The following PLAC1 variants were observed in gnomAD, a reference collection of about 807,000 sequenced individuals.
PLAC1 encodes placenta associated 1, also known as placenta-specific protein 1.
For missense variants in PLAC1, 136 were observed against 163.2 expected, an observed-to-expected ratio of 0.83 and a Z score of 0.91; for synonymous variants, 68 against 62.1, an observed-to-expected ratio of 1.09 and a Z score of -0.44.
At chrX:134,723,966 G>A (rs758586175) in intron 2 of PLAC1, among the ~76,000 whole-genome samples, 3 of 100,041 alleles carry the variant, frequency 3.0e-5, no homozygotes, top group Admixed American at 1.1e-4. Context: ...CTCAAAAAAC[G>A]TGTAACCTCA....
chrX:134,619,391 G>A (rs2078200034), intron 1 of PLAC1, among the ~76,000 whole-genome samples: 1 of 111,905 alleles, frequency 8.9e-6, no homozygotes, highest in African/African-American at 3.2e-5. Context: ...GGTGGCTCAT[G>A]CCTGTAATCC....
At chrX:134,704,269 G>A (rs1262805880) in intron 2 of PLAC1, among the ~76,000 whole-genome samples, 13 of 108,172 alleles carry the variant, frequency 1.2e-4, no homozygotes, top group African/African-American at 4.4e-4. Flanking sequence ...TGAGGTCGGC[G>A]GATCACTTGA....
Position 134,743,698 on chromosome X carries a change from C to T in PLAC1, n.90-10179G>A, listed in dbSNP as rs944741672. Among the ~76,000 whole-genome samples the T allele has an allele frequency of 3.6e-5, 4 of 111,298 alleles. No individual in the cohort carries two copies. In the East Asian group the frequency reaches 1.1e-3, roughly 31 times the overall value. ...AGCCTCCTGGGATGTAGGGACAAGGCCAGCCAATGTCACTCTCCGAAACAA... is the reference window on the plus strand; with the variant it reads ...AGCCTCCTGGGATGTAGGGACAAGGTCAGCCAATGTCACTCTCCGAAACAA... On this transcript the variant is annotated intron_variant and non_coding_transcript_variant, in intron 1 of 2. Coordinates refer to the PLAC1 transcript ENST00000466797.
intron 2 of PLAC1, among the ~76,000 whole-genome samples, chrX:134,711,334 A>C (rs2078627529): frequency 1.8e-5 from 2 of 112,654 alleles, no homozygotes; most frequent in Non-Finnish European, 3.7e-5. Flanking sequence ...ATTTATAGAA[A>C]CACAGACACT....
intron 2 of PLAC1, among the ~76,000 whole-genome samples, chrX:134,676,328 C>T (rs1412659167): frequency 4.5e-5 from 5 of 110,972 alleles, no homozygotes; most frequent in African/African-American, 1.3e-4. Flanking sequence ...TTTTTGTGAC[C>T]GGAGCAGATA....
intron 2 of PLAC1, among the ~76,000 whole-genome samples, chrX:134,684,427 A>C (rs1310540681): frequency 1.8e-5 from 2 of 108,782 alleles, no homozygotes; most frequent in Non-Finnish European, 3.8e-5. Flanking sequence ...AAAAAAAAAA[A>C]AAAAAACACT....
intron 2 of PLAC1, among the ~76,000 whole-genome samples, chrX:134,703,674 G>T (rs1454733314): frequency 9.1e-6 from 1 of 110,301 alleles, no homozygotes; most frequent in East Asian, 2.9e-4. Flanking sequence ...TTTCTTTTGA[G>T]ATGATGATGT....
At chrX:134,637,087 T>C (rs1353677067) in intron 1 of PLAC1, among the ~76,000 whole-genome samples, 2 of 112,508 alleles carry the variant, frequency 1.8e-5, no homozygotes, top group Non-Finnish European at 3.8e-5. Flanking sequence ...AACTGTAGCA[T>C]AGGCAACAAG....
At chrX:134,699,733 C>T (rs1393721527) in intron 2 of PLAC1, among the ~76,000 whole-genome samples, 5 of 112,155 alleles carry the variant, frequency 4.5e-5, no homozygotes, top group Non-Finnish European at 9.4e-5. Context: ...GAGTCCTGAC[C>T]CTACACATTA....
chrX:134,566,539 C>G lies in PLAC1; in HGVS notation c.144G>C (p.Val48=). Residue 48 remains valine (V), a synonymous_variant, in exon 3 of 3, where the codon GTG becomes GTC. Transcript: ENST00000359237. ...TVHPFMLNND[V]CVHFHELHLG... is the part of the protein sequence containing the mutation. ...AGTGTAGTTCATGAAAGTGTACACA[C>G]ACATCGTTGTTTAGCATGAAGGGGT... is the stretch of plus-strand genomic sequence containing the variant. 1 of 1,210,492 alleles carries G rather than the reference C, an allele frequency of 8.3e-7. No homozygotes were observed.
At chrX:134,671,597 G>A (rs1602895724) in intron 2 of PLAC1, among the ~76,000 whole-genome samples, 1 of 107,245 alleles carries the variant, frequency 9.3e-6, no homozygotes, top group Admixed American at 9.9e-5. Context: ...ACAGGAGAGA[G>A]AGAGAGAGAG....
intron 1 of PLAC1, among the ~76,000 whole-genome samples, chrX:134,737,144 C>T (rs2078705160): frequency 8.9e-6 from 1 of 112,637 alleles, no homozygotes; most frequent in Admixed American, 9.3e-5. Context: ...TGCTGCGCAG[C>T]CCTCTGGCAT....
upstream of PLAC1, among the ~76,000 whole-genome samples, chrX:134,659,591 A>G (rs1446334096): frequency 4.5e-5 from 5 of 111,972 alleles, no homozygotes; most frequent in Admixed American, 4.8e-4. Context: ...GAGAGTAGGC[A>G]GTCACATAAC....
chrX:134,756,289 C>T (rs1411458334), intron 1 of PLAC1, among the ~76,000 whole-genome samples: 1 of 109,970 alleles, frequency 9.1e-6, no homozygotes, highest in East Asian at 2.8e-4. Flanking sequence ...AGGCTTTCCC[C>T]ACACCCAGAT....
intron 2 of PLAC1, among the ~76,000 whole-genome samples, chrX:134,598,563 C>A (rs1360356558): frequency 1.8e-5 from 2 of 112,275 alleles, no homozygotes; most frequent in African/African-American, 3.2e-5. Context: ...CCCTGAATGA[C>A]AAGTGCTAAA....
intron 1 of PLAC1, among the ~76,000 whole-genome samples, chrX:134,651,728 T>A (rs1176282042): frequency 1.0e-5 from 1 of 97,608 alleles, no homozygotes; most frequent in Non-Finnish European, 2.1e-5. Context: ...CCTCACCTTT[T>A]TCCCCCCTTT....
intron 2 of PLAC1, among the ~76,000 whole-genome samples, chrX:134,698,402 G>A (rs1161794892): frequency 8.9e-6 from 1 of 111,800 alleles, no homozygotes; most frequent in Non-Finnish European, 1.9e-5. Flanking sequence ...GCAGTGAGCC[G>A]AGATAGTGCC....
At chrX:134,665,869 G>T (rs1255825124) in intron 2 of PLAC1, among the ~76,000 whole-genome samples, 2 of 111,162 alleles carry the variant, frequency 1.8e-5, no homozygotes, top group Non-Finnish European at 3.8e-5. Flanking sequence ...AGTCTTCTGG[G>T]TGGTGGAAAT....
intron 2 of PLAC1, among the ~76,000 whole-genome samples, chrX:134,572,133 A>C (rs189353759): frequency 9.0e-6 from 1 of 111,631 alleles, no homozygotes; most frequent in African/African-American, 3.2e-5. Context: ...AAGAAAAATG[A>C]ATCTGAGTCA....
Sources: gnomAD v4.1 joint callset for allele counts (sites outside exome capture counted in the v4.1 genomes callset) on GRCh38, gnomAD v4.1.1 for gene constraint, MANE v1.5 for transcripts, NCBI Gene and HGNC (gene_info 2026-07-23, HGNC 2026-07-21) for gene names.